Variants in BRWD1 observed in about 807,000 individuals in gnomAD.
The protein encoded by BRWD1 is bromodomain and WD repeat-containing protein 1.
BRWD1 carries 82 observed loss-of-function variants against 251.2 expected under a neutral mutation model. The observed-to-expected ratio is 0.33, with a 90% CI of 0.27 to 0.39. The LOEUF is 0.39. BRWD1 is among the 10% of genes least tolerant of loss of function. BRWD1 has a pLI of 1.00. For missense variants in BRWD1, 2,233 were observed against 2,711.6 expected (o/e 0.82, Z 3.92); for synonymous variants, 918 against 902.8 (o/e 1.02, Z -0.30).
chr21:39,309,287 G>GC (rs1319269587), intron 4 of BRWD1, among the ~76,000 whole-genome samples: 1 of 92,122 alleles, frequency 1.1e-5, no homozygotes, highest in African/African-American at 4.5e-5. Context: ...TTTCTCTAGG[G>GC]GAAAAAAAAA....
rs1163826967 is a variant in BRWD1 at position 39,188,688 on chromosome 21, C to G, written c.*7571G>C. The G allele has an allele frequency of 1.0e-6, 1 of 985,278 alleles. No individual in the cohort carries two copies. Among genetic ancestry groups the G allele is most frequent in the African/African-American group, 1.7e-5 (1 of 57,236 alleles). The allele number at this position is 985,278 out of a possible 1,614,324, so 61.0% of individuals were successfully genotyped here. On this transcript the variant is annotated 3_prime_UTR_variant, in exon 41 of 41. Transcript: ENST00000342449. ...CAGTGCAAGCACTTCAGATTTTTCC[C>G]TAAGTCTATGAAACTGATTTCACAC...
rs776053350 is a variant in BRWD1, at chr21:39,236,686, C to G, written c.2675G>C (p.Cys892Ser). 6.2e-7 allele frequency: 1 copy of G among 1,613,936 alleles called. No homozygotes were observed. Among genetic ancestry groups the G allele is most frequent in the East Asian group, 2.2e-5 (1 of 44,878 alleles). ...AGATATTTCATCTTCTGAACTACTACAAAATCGAGTAATTCGTCGACGACA... is the reference window on the plus strand; with the variant it reads ...AGATATTTCATCTTCTGAACTACTAGAAAATCGAGTAATTCGTCGACGACA... ...TSCRRRITRF[C>S]SSSEDEISTE... Residue 892 changes from cysteine to serine, a missense_variant, in exon 23 of 41, where the codon TGT becomes TCT. Cys to Ser is a moderately radical substitution (Grantham distance 112, BLOSUM62 -1). Around this residue, in one of 12 missense-constraint regions of BRWD1, gnomAD observed 214 missense variants for 222.0 expected, o/e 0.96. Transcript: ENST00000342449.
intron 38 of BRWD1, among the ~76,000 whole-genome samples, chr21:39,201,177 A>AG (rs2032091966): frequency 1.3e-5 from 2 of 152,210 alleles, no homozygotes; most frequent in African/African-American, 2.4e-5. Flanking sequence ...TACACGAGAG[A>AG]AAGAGTGTGA....
chr21:39,212,051 G>GGA (rs2032685294), intron 34 of BRWD1, among the ~76,000 whole-genome samples: 1 of 151,782 alleles, frequency 6.6e-6, no homozygotes, highest in South Asian at 2.1e-4. Flanking sequence ...TATCTCCATT[G>GGA]TTAAAAAAAG....
chr21:39,225,279 TAC>T, intron 27 of BRWD1, 82 bp from the exon 28 acceptor site: 1 of 950,300 alleles, frequency 1.1e-6, no homozygotes, highest in South Asian at 1.4e-5. Flanking sequence ...TACCATATGA[TAC>T]AGATAAAAAA....
rs2035959899 is a variant in BRWD1 at position 39,296,260 on chromosome 21, C to G, written c.448+5G>C. 1 of 1,586,404 alleles carries G rather than the reference C, an allele frequency of 6.3e-7. No individual in the cohort carries two copies. Among genetic ancestry groups the G allele is most frequent in the Admixed American group, 1.9e-5 (1 of 53,112 alleles). On this transcript the variant is annotated splice_donor_5th_base_variant and intron_variant, in intron 6 of 40. Transcript: ENST00000342449. ...TCAGGCATCTCAAAGGCCAACCTTA[C>G]TTACCAAGATTTGGTGGGGAACCAT...
chr21:39,239,998 G>A (rs929860560), intron 21 of BRWD1, among the ~76,000 whole-genome samples: 1 of 152,078 alleles, frequency 6.6e-6, no homozygotes, highest in Non-Finnish European at 1.5e-5. Context: ...ACATCCTTCA[G>A]TAGGTAAACT....
intron 18 of BRWD1, among the ~76,000 whole-genome samples, chr21:39,257,882 A>G (rs1400243878): frequency 6.6e-6 from 1 of 152,212 alleles, no homozygotes; most frequent in Admixed American, 6.5e-5. Context: ...ATGGCTGTTC[A>G]TTGTATCCTT....
At position 39,313,607 on chromosome 21, in the gene BRWD1, C is replaced by CCGCCGCCGCCATACCGTGCG; in HGVS notation, c.-117_-116insCGCACGGTATGGCGGCGGCG. On this transcript the variant is annotated 5_prime_UTR_variant, in exon 1 of 41. It adds an upstream start codon to the 5' untranslated region. Transcript: ENST00000342449. Reference sequence around the variant, plus strand: ...CAGGCGCGCGCCGCCGCCGCCGCCGCCGCCGCCATACCGTGCGCGCCGCCT... The same window carrying CCGCCGCCGCCATACCGTGCG: ...CAGGCGCGCGCCGCCGCCGCCGCCGCCGCCGCCGCCATACCGTGCGCGCCGCCATACCGTGCGCGCCGCCT... 1.2e-6 allele frequency: 1 copy of CCGCCGCCGCCATACCGTGCG among 836,318 alleles called. No homozygotes were observed. The highest frequency in any genetic ancestry group is 1.6e-6 in the Non-Finnish European group (1 of 629,264). 51.8% of individuals were successfully genotyped at this position (836,318 alleles called of 1,614,324 possible).
chr21:39,284,285 G>C (rs1159792278), intron 8 of BRWD1, among the ~76,000 whole-genome samples: 1 of 152,170 alleles, frequency 6.6e-6, no homozygotes, highest in Admixed American at 6.5e-5. Flanking sequence ...TTCAAGACCA[G>C]CTTGTGAAAC....
chr21:39,302,132 C>T (rs1251730369), intron 4 of BRWD1, among the ~76,000 whole-genome samples: 3 of 151,644 alleles, frequency 2.0e-5, no homozygotes, highest in Non-Finnish European at 4.4e-5. Flanking sequence ...TACAAGCACA[C>T]GCCACCACAC....
chr21:39,230,511 T>C (rs767301958), intron 25 of BRWD1, among the ~76,000 whole-genome samples: 26 of 152,210 alleles, frequency 1.7e-4, no homozygotes, highest in Non-Finnish European at 2.8e-4. Flanking sequence ...GTCACAACAC[T>C]GTAGTAAACC....
chr21:39,275,393 C>T (rs969933960), intron 12 of BRWD1, among the ~76,000 whole-genome samples: 3 of 152,070 alleles, frequency 2.0e-5, no homozygotes, highest in African/African-American at 7.2e-5. Flanking sequence ...GTAAATCAGA[C>T]ATCTAGCCAA....
At position 39,211,665 on chromosome 21, in the gene BRWD1, A is replaced by G. The variant is rs565811949; in HGVS notation, c.3901-736T>C. On this transcript the variant is annotated intron_variant, in intron 34 of 40. Coordinates refer to ENST00000342449, the MANE Select transcript of BRWD1 (RefSeq NM_033656.4). ...GGTAATACATTTTTATTATTTAAGCAACTAAATTTGTCATTTGCTGCAGCA... is the reference window on the plus strand; with the variant it reads ...GGTAATACATTTTTATTATTTAAGCGACTAAATTTGTCATTTGCTGCAGCA... 5.9e-5 allele frequency among the ~76,000 whole-genome samples: 9 copies of G among 152,336 alleles called. No homozygotes were observed. The South Asian group carries it at 1.9e-3, about 32-fold the overall frequency.
intron 5 of BRWD1, 53 bp from the exon 6 acceptor site, chr21:39,296,416 A>G: frequency 6.7e-7 from 1 of 1,488,422 alleles, no homozygotes; most frequent in Non-Finnish European, 8.9e-7. Flanking sequence ...ACCCCAAGAA[A>G]GATTTTATAG....
chr21:39,232,348 G>A (rs2033648685), intron 24 of BRWD1, 25 bp downstream of exon 24: 3 of 1,598,990 alleles, frequency 1.9e-6, no homozygotes, highest in Non-Finnish European at 2.6e-6. Context: ...CCATATTCGT[G>A]TTTTTAAATT....
chr21:39,264,934 T>C lies in BRWD1; in HGVS notation c.1616A>G (p.His539Arg). 1 of 1,613,980 alleles carries C rather than the reference T, an allele frequency of 6.2e-7. No individual in the cohort carries two copies. Among genetic ancestry groups the C allele is most frequent in the Non-Finnish European group, 8.5e-7 (1 of 1,179,940 alleles). ...GCATCCAAAACCAAATATCAGAAGG[T>C]GCCCATGAGAATCTGTACAGGCAAA... Reference protein sequence around the residue: ...QHFACTDSHGHLLIFGFGCSK... With the variant: ...QHFACTDSHGRLLIFGFGCSK... The change falls in exon 16 of 41, where the codon CAC (histidine) becomes CGC (arginine). Residue 539 changes from histidine (H) to arginine (R), a missense_variant. Physicochemically the swap from His to Arg is conservative, Grantham distance 29. This residue lies in a region of BRWD1 where 315 missense variants were observed against 421.8 expected (regional missense o/e 0.75). Coordinates refer to ENST00000342449, the MANE Select transcript of BRWD1 (RefSeq NM_033656.4).
chr21:39,312,966 GCCGGGGGCGGGCGGCGGGCGGC>G, intron 3 of BRWD1, 66 bp from the exon 4 acceptor site: 1 of 607,062 alleles, frequency 1.6e-6, no homozygotes, highest in Non-Finnish European at 2.1e-6. Context: ...GGGGCGGGGG[GCCGGGGGCGGGCGGCGGGCGGC>G]GGGCGGGGGG....
intron 31 of BRWD1, chr21:39,217,054 TATATATATATATATATATATATATATA>T (rs2032958503): frequency 6.3e-4 from 11 of 17,504 alleles, no homozygotes; most frequent in Non-Finnish European, 8.2e-4. Flanking sequence ...TATATATTTA[TATATATATATATATATATATATATATA>T]TATTTTTTTT....
Sources: gnomAD v4.1 joint callset for allele counts (sites outside exome capture counted in the v4.1 genomes callset) on GRCh38, gnomAD v4.1.1 for gene constraint, gnomAD v4.1.1 regional missense constraint, MANE v1.5 for transcripts, NCBI Gene and HGNC (gene_info 2026-07-23, HGNC 2026-07-21) for gene names.